Variants in TBC1D19 observed in about 807,000 individuals in gnomAD.
The protein encoded by TBC1D19 is TBC1 domain family, member 19.
TBC1D19 carries 60 observed loss-of-function variants against 89.0 expected under a neutral mutation model. That is an observed-to-expected ratio of 0.67 (90% CI 0.55 to 0.84). The LOEUF is 0.84. Ranked by LOEUF, TBC1D19 falls within the 40% of genes least tolerant of loss-of-function variation. The pLI is 0.00. For synonymous variants in TBC1D19, 189 were observed against 199.7 expected (o/e 0.95, Z 0.45); for missense variants, 500 against 610.8 (o/e 0.82, Z 1.91).
intron 13 of TBC1D19, among the ~76,000 whole-genome samples, chr4:26,714,859 C>A (rs1325359472): frequency 6.6e-6 from 1 of 152,034 alleles, no homozygotes; most frequent in Admixed American, 6.6e-5. Context: ...CGTCTCCCAG[C>A]AACTTGCAGC....
At chr4:26,771,639 G>A in the TBC1D19 span, among the ~76,000 whole-genome samples, 1 of 152,130 alleles carries the variant, frequency 6.6e-6, no homozygotes, top group South Asian at 2.1e-4. Context: ...CAGAGTGGCT[G>A]TTGCCAGGGG....
intron 1 of TBC1D19, among the ~76,000 whole-genome samples, chr4:26,584,497 G>C (rs1487909450): frequency 6.6e-6 from 1 of 152,186 alleles, no homozygotes; most frequent in Non-Finnish European, 1.5e-5. Flanking sequence ...TCCGGTGCAA[G>C]CTGTGCTGCC....
chr4:26,829,726 G>A, the TBC1D19 span, among the ~76,000 whole-genome samples: 3 of 152,180 alleles, frequency 2.0e-5, no homozygotes, highest in African/African-American at 2.4e-5. Context: ...GGCAGGTAAG[G>A]TTTGTTCATT....
chr4:26,606,747 T>C (rs1051062329), intron 1 of TBC1D19, among the ~76,000 whole-genome samples: 2 of 152,164 alleles, frequency 1.3e-5, no homozygotes, highest in African/African-American at 4.8e-5. Flanking sequence ...GGGCATAGAA[T>C]GATGAAGTTC....
intron 13 of TBC1D19, among the ~76,000 whole-genome samples, chr4:26,709,324 G>A (rs1715985630): frequency 6.6e-6 from 1 of 151,894 alleles, no homozygotes; most frequent in Non-Finnish European, 1.5e-5. Context: ...TTAACATCTG[G>A]CTCCCAAAGG....
At chr4:26,711,257 C>T (rs1176391089) in intron 13 of TBC1D19, among the ~76,000 whole-genome samples, 1 of 152,076 alleles carries the variant, frequency 6.6e-6, no homozygotes, top group African/African-American at 2.4e-5. Flanking sequence ...AGCCAGTTTT[C>T]CCAGCACCAT....
chr4:26,739,764 A>G (rs1377300353), intron 16 of TBC1D19, 100 bp from the exon 17 acceptor site: 2 of 641,936 alleles, frequency 3.1e-6, no homozygotes, highest in African/African-American at 1.9e-5. Flanking sequence ...GGTGGTGTAT[A>G]TGATTACTAT....
the TBC1D19 span, among the ~76,000 whole-genome samples, chr4:26,835,974 GCTCTCT>G: frequency 0.019 from 2,758 of 143,526 alleles, 82 homozygotes; most frequent in African/African-American, 0.067. Context: ...CATGTGAAGT[GCTCTCT>G]CTCTCTCTCT....
intron 14 of TBC1D19, 24 bp downstream of exon 14, chr4:26,718,041 A>C (rs1348482716): frequency 6.4e-7 from 1 of 1,551,164 alleles, no homozygotes; most frequent in Non-Finnish European, 8.9e-7. Context: ...AATTTTAAGG[A>C]AGTATTAAGA....
At chr4:26,604,394 C>T (rs1330864623) in intron 1 of TBC1D19, among the ~76,000 whole-genome samples, 2 of 150,770 alleles carry the variant, frequency 1.3e-5, no homozygotes, top group African/African-American at 2.4e-5. Context: ...CCTTGTGATC[C>T]GCCCGCCTCG....
intron 4 of TBC1D19, among the ~76,000 whole-genome samples, chr4:26,636,489 A>AGG (rs34860186): frequency 2.5e-3 from 1 of 402 alleles, no homozygotes; most frequent in East Asian, 0.071. Context: ...TCAGTATCAT[A>AGG]AAAAAAAAAA....
intron 1 of TBC1D19, among the ~76,000 whole-genome samples, chr4:26,603,536 C>CT (rs1191907593): frequency 6.6e-6 from 1 of 152,018 alleles, no homozygotes; most frequent in African/African-American, 2.4e-5. Flanking sequence ...AATACTCTTC[C>CT]TTTTTCCAGT....
At chr4:26,707,778 A>G (rs980004794) in intron 13 of TBC1D19, among the ~76,000 whole-genome samples, 2 of 151,992 alleles carry the variant, frequency 1.3e-5, no homozygotes, top group Admixed American at 1.3e-4. Context: ...GTAACACTCT[A>G]GTTTAAATTA....
chr4:26,673,474 C>CACACACACAA (rs371830256), intron 10 of TBC1D19, among the ~76,000 whole-genome samples: 1 of 147,814 alleles, frequency 6.8e-6, no homozygotes, highest in Non-Finnish European at 1.5e-5. Context: ...CACACACACA[C>CACACACACAA]AATACTAGTT....
intron 4 of TBC1D19, among the ~76,000 whole-genome samples, chr4:26,629,553 A>G (rs987120781): frequency 6.6e-6 from 1 of 152,098 alleles, no homozygotes; most frequent in Non-Finnish European, 1.5e-5. Context: ...GAACATTCCT[A>G]GAAAATATTC....
chr4:26,721,964 G>T (rs1717006496), intron 15 of TBC1D19, among the ~76,000 whole-genome samples: 1 of 152,036 alleles, frequency 6.6e-6, no homozygotes, highest in African/African-American at 2.4e-5. Flanking sequence ...GAATCCCCAG[G>T]TTAGGCTAAG....
At chr4:26,715,073 A>G (rs1716498127) in intron 13 of TBC1D19, among the ~76,000 whole-genome samples, 1 of 151,816 alleles carries the variant, frequency 6.6e-6, no homozygotes, top group Admixed American at 6.6e-5. Context: ...TATGTTGATA[A>G]CTCTCAAATT....
At chr4:26,808,685 T>C in the TBC1D19 span, among the ~76,000 whole-genome samples, 14 of 138,270 alleles carry the variant, frequency 1.0e-4, no homozygotes, top group Non-Finnish European at 1.7e-4. Flanking sequence ...GCCGAGATCG[T>C]GCCACTGCAC....
At chr4:26,836,831 C>T in the TBC1D19 span, among the ~76,000 whole-genome samples, 1 of 152,316 alleles carries the variant, frequency 6.6e-6, no homozygotes, top group Non-Finnish European at 1.5e-5. Context: ...GGACTTCAGC[C>T]CAAGGAATTT....
Sources: gnomAD v4.1 joint callset for allele counts (sites outside exome capture counted in the v4.1 genomes callset) on GRCh38, gnomAD v4.1.1 for gene constraint, MANE v1.5 for transcripts, NCBI Gene and HGNC (gene_info 2026-07-23, HGNC 2026-07-21) for gene names.